The following IL36B variants were observed in gnomAD, a reference collection of about 807,000 sequenced individuals.
The protein encoded by IL36B is interleukin-36 beta.
A neutral mutation model predicts 19.3 loss-of-function variants in IL36B; 23 were observed. The ratio of observed to expected loss-of-function variants is 1.19; its 90% CI spans 0.86 to 1.69. IL36B has a LOEUF of 1.69. Ranked by LOEUF, IL36B falls within the 40% of genes most tolerant of loss-of-function variation. The pLI, the probability that IL36B is intolerant of heterozygous loss-of-function variation, is 0.00. For synonymous variants in IL36B, 59 were observed against 59.7 expected, an observed-to-expected ratio of 0.99 and a Z score of 0.05; for missense variants, 217 against 200.5, an observed-to-expected ratio of 1.08 and a Z score of -0.50.
At chr2:113,025,971 T>C (rs1301569452) in intron 5 of IL36B, 1 of 1,387,488 alleles carries the variant, frequency 7.2e-7, no homozygotes, top group Non-Finnish European at 9.6e-7. Flanking sequence ...CAATTCAGGA[T>C]GTATTCTTGA....
At chr2:113,041,742 G>A (rs962847657) in intron 1 of IL36B, among the ~76,000 whole-genome samples, 2 of 152,138 alleles carry the variant, frequency 1.3e-5, no homozygotes, top group Admixed American at 6.5e-5. Context: ...AAAAAGTTAA[G>A]CAATCTAATT....
intron 1 of IL36B, among the ~76,000 whole-genome samples, chr2:113,041,883 A>G (rs986324828): frequency 6.6e-6 from 1 of 152,148 alleles, no homozygotes; most frequent in Non-Finnish European, 1.5e-5. Context: ...CTCCCGAGTT[A>G]ACAATCTAAT....
chr2:113,037,489 A>G (rs913089688), intron 1 of IL36B, among the ~76,000 whole-genome samples: 6 of 152,148 alleles, frequency 3.9e-5, no homozygotes, highest in African/African-American at 1.4e-4. Flanking sequence ...ATCTCTATTA[A>G]AAATACAAAA....
chr2:113,042,589 A>G (rs931308636), intron 1 of IL36B, among the ~76,000 whole-genome samples: 1 of 152,202 alleles, frequency 6.6e-6, no homozygotes, highest in African/African-American at 2.4e-5. Context: ...ATCCCCCAGT[A>G]TATAATTGAT....
At chr2:113,049,544 A>G (rs1685406368) in intron 1 of IL36B, among the ~76,000 whole-genome samples, 1 of 152,248 alleles carries the variant, frequency 6.6e-6, no homozygotes, top group South Asian at 2.1e-4. Context: ...AGGGTGCTCA[A>G]CATCCCTAAT....
Position 113,025,623 on chromosome 2 carries a change from A to G in IL36B, c.391+480T>C, listed in dbSNP as rs145200429. On this transcript the variant is annotated intron_variant, in intron 5 of 5. Transcript: ENST00000259213. ...TGTTCCATGAGAAGGCAAAAATGCTATGGACCTCGCAGAAGATAAGATGTT... is the reference window on the plus strand; with the variant it reads ...TGTTCCATGAGAAGGCAAAAATGCTGTGGACCTCGCAGAAGATAAGATGTT... Among the ~76,000 whole-genome samples the G allele has an allele frequency of 6.2e-3, 951 of 152,314 alleles. 2 individuals are homozygous for G. Among genetic ancestry groups the G allele is most frequent in the Admixed American group, 0.011 (162 of 15,288 alleles).
intron 5 of IL36B, among the ~76,000 whole-genome samples, chr2:113,023,141 T>C (rs535335731): frequency 6.6e-6 from 1 of 152,344 alleles, no homozygotes; most frequent in Non-Finnish European, 1.5e-5. Context: ...GGATGGCGAT[T>C]GGAAGGAGGG....
intron 1 of IL36B, among the ~76,000 whole-genome samples, chr2:113,043,477 T>G (rs1254078044): frequency 6.6e-6 from 1 of 152,254 alleles, no homozygotes; most frequent in Non-Finnish European, 1.5e-5. Context: ...TGGATCATAA[T>G]TCACCTTTTT....
chr2:113,041,766 G>A (rs1294778302), intron 1 of IL36B, among the ~76,000 whole-genome samples: 1 of 152,086 alleles, frequency 6.6e-6, no homozygotes, highest in African/African-American at 2.4e-5. Context: ...TTAGAGACAG[G>A]GTCTCACCTA....
At chr2:113,024,560 C>T (rs180755344) in intron 5 of IL36B, among the ~76,000 whole-genome samples, 1 of 152,176 alleles carries the variant, frequency 6.6e-6, no homozygotes, top group East Asian at 1.9e-4. Flanking sequence ...TCACAGCTCT[C>T]GATCCAGGAG....
intron 1 of IL36B, among the ~76,000 whole-genome samples, chr2:113,036,360 T>TC (rs1685167386): frequency 6.6e-6 from 1 of 152,034 alleles, no homozygotes; most frequent in East Asian, 1.9e-4. Flanking sequence ...CTTGCTTTTT[T>TC]TTTTTTTTTC....
intron 1 of IL36B, among the ~76,000 whole-genome samples, chr2:113,044,204 C>T (rs796131059): frequency 1.2e-4 from 18 of 151,450 alleles, no homozygotes; most frequent in African/African-American, 4.1e-4. Context: ...AAATAAACTT[C>T]TTATCCTTGG....
intron 4 of IL36B, among the ~76,000 whole-genome samples, chr2:113,028,552 C>T (rs1685008109): frequency 6.6e-6 from 1 of 152,206 alleles, no homozygotes; most frequent in Admixed American, 6.5e-5. Flanking sequence ...TTATGGTACA[C>T]AGACCATAAC....
At chr2:113,031,567 T>C in intron 2 of IL36B, 130 bp downstream of exon 2, 1 of 765,032 alleles carries the variant, frequency 1.3e-6, no homozygotes, top group African/African-American at 1.8e-5. Flanking sequence ...AAGGCCGTTT[T>C]AGGAACTGAG....
chr2:113,050,768 G>A (rs1335561962), intron 1 of IL36B, among the ~76,000 whole-genome samples: 3 of 152,190 alleles, frequency 2.0e-5, no homozygotes, highest in South Asian at 2.1e-4. Flanking sequence ...AGGAGCCCAC[G>A]AAAGCCACAC....
intron 1 of IL36B, among the ~76,000 whole-genome samples, chr2:113,048,310 C>T (rs1020889892): frequency 4.6e-5 from 7 of 152,114 alleles, no homozygotes; most frequent in African/African-American, 1.7e-4. Context: ...GGCATGGTGG[C>T]ATGCACCTGT....
intron 3 of IL36B, among the ~76,000 whole-genome samples, chr2:113,030,230 T>TAA (rs539841856): frequency 7.0e-6 from 1 of 143,594 alleles, no homozygotes; most frequent in East Asian, 2.0e-4. Context: ...AGACTCCGTT[T>TAA]AAAAAAAAAA....
At chr2:113,048,787 T>G (rs1308979632) in intron 1 of IL36B, among the ~76,000 whole-genome samples, 4 of 152,120 alleles carry the variant, frequency 2.6e-5, no homozygotes, top group Admixed American at 1.3e-4. Flanking sequence ...TTACACATAC[T>G]TTAGAAGGGT....
chr2:113,049,293 T>C (rs1685401286), intron 1 of IL36B, among the ~76,000 whole-genome samples: 1 of 152,172 alleles, frequency 6.6e-6, no homozygotes, highest in African/African-American at 2.4e-5. Flanking sequence ...AATGGATACA[T>C]TGGACTACAT....
Sources: gnomAD v4.1 joint callset for allele counts (sites outside exome capture counted in the v4.1 genomes callset) on GRCh38, gnomAD v4.1.1 for gene constraint, MANE v1.5 for transcripts, NCBI Gene and HGNC (gene_info 2026-07-23, HGNC 2026-07-21) for gene names.